PLD4: variants seen among roughly 807,000 people sequenced by gnomAD.
The protein encoded by PLD4 is 5'-3' exonuclease PLD4.
In PLD4, 54 loss-of-function variants were observed where a neutral mutation model predicts 52.3. The ratio of observed to expected loss-of-function variants is 1.03; its 90% CI spans 0.83 to 1.30. The LOEUF is 1.30. Ranked by LOEUF, PLD4 falls within the 50% of genes most tolerant of loss-of-function variation. The pLI, the probability that PLD4 is intolerant of heterozygous loss-of-function variation, is 0.00. For missense variants in PLD4, 731 were observed against 671.1 expected (o/e 1.09, Z -0.99); for synonymous variants, 264 against 286.5 (o/e 0.92, Z 0.79).
In PLD4 at chr14:104,932,917, G is replaced by A. The variant is rs1166190614; in HGVS notation, c.1474G>A (p.Gly492Ser). The change falls in exon 11 of 11, where the codon GGC becomes AGC. Residue 492 changes from glycine (G) to serine (S), a missense_variant. Coordinates refer to ENST00000392593, the MANE Select transcript of PLD4 (RefSeq NM_138790.5). The surrounding 1 kb of genome is among the most constrained non-coding windows in gnomAD (Gnocchi z 6.5). ...ERDWSSRYAV[G>S]LDGQAPGQDC... ...GGACTGGAGTTCGCGCTACGCCGTC[G>A]GCCTGGACGGACAGGCTCCGGGCCA... The A allele has an allele frequency of 1.2e-6, 2 of 1,601,690 alleles. No individual in the cohort carries two copies. The highest frequency in any genetic ancestry group is 1.1e-5 in the South Asian group (1 of 89,280).
chr14:104,932,495 G>A lies in PLD4; in HGVS notation c.1321+140G>A, dbSNP rs868239720. 2.9e-6 allele frequency: 3 copies of A among 1,018,488 alleles called. No individual in the cohort carries two copies. Among genetic ancestry groups the A allele is most frequent in the East Asian group, 2.6e-5 (1 of 38,448 alleles). 63.1% of individuals were successfully genotyped at this position (1,018,488 alleles called of 1,614,324 possible). On this transcript the variant is annotated intron_variant, in intron 10 of 10. Transcript: ENST00000392593. This position sits in a 1 kb window ranked among gnomAD's most constrained non-coding sequence, Gnocchi z 6.5. ...GGGGACGGGGTCTCCATGGAGTTCC[G>A]GGGACCAGGCCACCCGCCTGTCACC...
chr14:104,927,587 G>A, intron 2 of PLD4, 86 bp from the exon 3 acceptor site: 1 of 1,399,736 alleles, frequency 7.1e-7, no homozygotes, highest in Non-Finnish European at 9.5e-7. Flanking sequence ...GACGGTCTCT[G>A]TCTCAGCACT....
chr14:104,927,221 G>A lies in PLD4; in HGVS notation c.81G>A (p.Glu27=). The change falls in exon 2 of 11, where the codon GAG becomes GAA. Residue 27 remains glutamate, a synonymous_variant. Transcript: ENST00000392593. ...SMPPRRPWDR[E]AGTLQVLGAL... is the part of the protein sequence containing the mutation. ...CGCCCCGCCGCCCGTGGGACAGAGA[G>A]GCTGGCACGGTAGGACTGGGGGGCC... 6.5e-7 allele frequency: 1 copy of A among 1,548,402 alleles called. No homozygotes were observed. Among genetic ancestry groups the A allele is most frequent in the Non-Finnish European group, 8.7e-7 (1 of 1,146,580 alleles).
intron 6 of PLD4, 183 bp from the exon 7 acceptor site, chr14:104,930,559 A>G: frequency 1.6e-6 from 1 of 629,958 alleles, no homozygotes; most frequent in South Asian, 1.9e-5. Flanking sequence ...AAACACAGGC[A>G]CCCGCTGGGC....
At chr14:104,934,282 T>C (rs1490473744), downstream of PLD4, 4 of 152,214 alleles carry the variant, frequency 2.6e-5, no homozygotes, top group Admixed American at 1.3e-4. Context: ...GGACCAGCAT[T>C]TGAGCTGGAG....
rs148430441 is a variant in PLD4 at position 104,928,048 on chromosome 14, C to T, written c.284+182C>T. Among the ~76,000 whole-genome samples the T allele has an allele frequency of 1.4e-3, 208 of 152,126 alleles. No homozygotes were observed. The highest frequency in any genetic ancestry group is 6.8e-3 in the Middle Eastern group (2 of 292). On this transcript the variant is annotated intron_variant, in intron 3 of 10. Transcript: ENST00000392593. ...GAGTGGGGGCTGGGGACGGGGCAGGCGTGTGGTGCTTTTTGCAGCAAACAG... is the reference window on the plus strand; with the variant it reads ...GAGTGGGGGCTGGGGACGGGGCAGGTGTGTGGTGCTTTTTGCAGCAAACAG...
At position 104,933,045 on chromosome 14, in the gene PLD4, T is replaced by C; in HGVS notation, c.*81T>C. 2.8e-6 allele frequency: 4 copies of C among 1,423,070 alleles called. No individual in the cohort carries two copies. The highest frequency in any genetic ancestry group is 3.7e-6 in the Non-Finnish European group (4 of 1,080,132). The allele number at this position is 1,423,070 out of a possible 1,614,324, so 88.2% of individuals were successfully genotyped here. A position where few individuals can be genotyped will look rare whatever the true frequency, so the allele number is the denominator to read the frequency against. On this transcript the variant is annotated 3_prime_UTR_variant, in exon 11 of 11. Coordinates refer to ENST00000392593, the MANE Select transcript of PLD4 (RefSeq NM_138790.5). ...CCCGGCCTGGGCTTCAGCCGCTTCC[T>C]CCCGCAAGCAGCCCGGGTCCGCACT...
intron 1 of PLD4, 82 bp from the exon 2 acceptor site, chr14:104,927,059 C>T: frequency 7.5e-7 from 1 of 1,336,182 alleles, no homozygotes; most frequent in Non-Finnish European, 1.0e-6. Flanking sequence ...CAGGGGTGTC[C>T]CCAGTGCCCA....
intron 7 of PLD4, 105 bp downstream of exon 7, chr14:104,931,047 A>T: frequency 2.3e-6 from 3 of 1,320,042 alleles, no homozygotes; most frequent in Non-Finnish European, 3.2e-6. Flanking sequence ...CAGCAGCATC[A>T]GCTGGGTCCT....
intron 5 of PLD4, among the ~76,000 whole-genome samples, chr14:104,929,736 G>A (rs1350217161): frequency 6.6e-6 from 1 of 152,254 alleles, no homozygotes; most frequent in Non-Finnish European, 1.5e-5. Flanking sequence ...GCTGGGCAGT[G>A]AGAGGCCATG....
rs1897717225 is a variant in PLD4, at chr14:104,933,147, C to A, written c.*183C>A. 3.1e-6 allele frequency: 2 copies of A among 650,526 alleles called. No individual in the cohort carries two copies. Among genetic ancestry groups the A allele is most frequent in the Non-Finnish European group, 4.9e-6 (2 of 405,508 alleles). The allele number at this position is 650,526 out of a possible 1,614,324, so 40.3% of individuals were successfully genotyped here. On this transcript the variant is annotated 3_prime_UTR_variant, in exon 11 of 11. Coordinates refer to ENST00000392593, the MANE Select transcript of PLD4 (RefSeq NM_138790.5). ...CTCTGATTTCCGAGTCCAGCCCCCCCTGAGCCCCACCTCCTCCAGGGAGCC... is the reference window on the plus strand; with the variant it reads ...CTCTGATTTCCGAGTCCAGCCCCCCATGAGCCCCACCTCCTCCAGGGAGCC...
At chr14:104,930,143 A>G (rs770775650) in intron 6 of PLD4, 38 bp downstream of exon 6, 2 of 1,607,360 alleles carry the variant, frequency 1.2e-6, no homozygotes, top group Non-Finnish European at 1.7e-6. Flanking sequence ...GCCTGCCTGA[A>G]GCGTTTCCCC....
In PLD4 at chr14:104,932,725, G is replaced by T. The variant is rs573392870; in HGVS notation, c.1322-40G>T. ...CTGAGCGGGCTGCAGAGGGGCCTGT[G>T]GGAGCCGGCGCCCCAGTGTCTCCTC... On this transcript the variant is annotated intron_variant, in intron 10 of 10. Transcript: ENST00000392593. This position sits in a 1 kb window ranked among gnomAD's most constrained non-coding sequence, Gnocchi z 6.5. The T allele has an allele frequency of 1.6e-5, 24 of 1,481,594 alleles. No individual in the cohort carries two copies. The South Asian group carries it at 2.6e-4, about 16-fold the overall frequency. The allele number at this position is 1,481,594 out of a possible 1,614,324, so 91.8% of individuals were successfully genotyped here.
At position 104,932,160 on chromosome 14, in the gene PLD4, A is replaced by G. The variant is rs1291312984; in HGVS notation, c.1207A>G (p.Asn403Asp). Residue 403 changes from asparagine (N) to aspartate (D), a missense_variant, in exon 9 of 11, where the codon AAC (asparagine) becomes GAC (aspartate). Transcript: ENST00000392593. The surrounding 1 kb of genome is among the most constrained non-coding windows in gnomAD (Gnocchi z 6.5). ...SLQALSNPAA[N>D]VSVDVKVFIV... The stretch of plus-strand genomic sequence containing the variant: ...GCAGGCGCTCAGCAACCCCGCGGCC[A>G]ACGTCTCTGTGGACGTGGTGAGGGC... 4 of 1,611,006 alleles carry G rather than the reference A, an allele frequency of 2.5e-6. No individual in the cohort carries two copies. The African/African-American group carries it at 5.3e-5, about 22-fold the overall frequency.
In PLD4 at chr14:104,927,828, C is replaced by T; in HGVS notation, c.246C>T (p.Pro82=). ...ATGGCTCCAGCCCAGCTTGGGAGCC[C>T]CTGGAAGCAGAGGCCAGGCAGCAGA... The part of the protein sequence containing the change: ...WEHGSSPAWE[P]LEAEARQQRD... Residue 82 remains proline, a synonymous_variant, in exon 3 of 11, where the codon CCC becomes CCT. Coordinates refer to ENST00000392593, the MANE Select transcript of PLD4 (RefSeq NM_138790.5). 1 of 1,588,734 alleles carries T rather than the reference C, an allele frequency of 6.3e-7. No individual in the cohort carries two copies. The highest frequency in any genetic ancestry group is 8.5e-7 in the Non-Finnish European group (1 of 1,171,398).
At chr14:104,929,519 T>C in intron 5 of PLD4, 92 bp downstream of exon 5, 1 of 1,457,208 alleles carries the variant, frequency 6.9e-7, no homozygotes, top group Non-Finnish European at 9.1e-7. Context: ...GAAGTGAGGG[T>C]GGGAAAGGTG....
In PLD4 at chr14:104,932,179, T is replaced by C. The variant is rs756922214; in HGVS notation, c.1224+2T>C. 2 of 1,611,336 alleles carry C rather than the reference T, an allele frequency of 1.2e-6. No homozygotes were observed. Among genetic ancestry groups the C allele is most frequent in the African/African-American group, 1.3e-5 (1 of 74,886 alleles). On this transcript the variant is annotated splice_donor_variant, in intron 9 of 10. Transcript: ENST00000392593. LOFTEE classifies it high-confidence loss of function. This position sits in a 1 kb window ranked among gnomAD's most constrained non-coding sequence, Gnocchi z 6.5. ...GCGGCCAACGTCTCTGTGGACGTGG[T>C]GAGGGCGTGCTCCCGGCCGGGCGTG...
chr14:104,925,315 C>A (rs1897419064), intron 1 of PLD4, among the ~76,000 whole-genome samples: 1 of 152,214 alleles, frequency 6.6e-6, no homozygotes, highest in African/African-American at 2.4e-5. Context: ...TACCATGGGA[C>A]CAGGGGGCTA....
intron 5 of PLD4, 145 bp downstream of exon 5, chr14:104,929,572 G>A (rs1444001971): frequency 1.6e-6 from 2 of 1,274,426 alleles, no homozygotes; most frequent in Non-Finnish European, 2.1e-6. Context: ...AGGACCCAGG[G>A]CTCTGAGGTC....
Sources: gnomAD v4.1 joint callset for allele counts (sites outside exome capture counted in the v4.1 genomes callset) on GRCh38, gnomAD v4.1.1 for gene constraint, Gnocchi (gnomAD v3.1) non-coding constraint, MANE v1.5 for transcripts, NCBI Gene and HGNC (gene_info 2026-07-23, HGNC 2026-07-21) for gene names.